The following DSE variants were observed in gnomAD, a reference collection of about 807,000 sequenced individuals.
DSE encodes the protein dermatan sulfate epimerase.
Under a neutral mutation model 84.4 loss-of-function variants are expected in DSE, and 36 were observed. That is an observed-to-expected ratio of 0.43 (90% CI 0.33 to 0.56). The LOEUF (loss-of-function observed/expected upper bound fraction) is 0.56, where lower values mean the gene tolerates loss of function less well. DSE is among the 20% of genes least tolerant of loss of function. The probability of loss-of-function intolerance (pLI) is 0.06; values close to 1 mark genes in which losing one functional copy is unlikely to be tolerated. For synonymous variants in DSE, 410 were observed against 430.1 expected, an observed-to-expected ratio of 0.95 and a Z score of 0.58; for missense variants, 862 against 1,169.6, an observed-to-expected ratio of 0.74 and a Z score of 3.84.
At chr6:116,349,372 C>T (rs553430780) in intron 2 of DSE, among the ~76,000 whole-genome samples, 1 of 152,268 alleles carries the variant, frequency 6.6e-6, no homozygotes, top group Admixed American at 6.5e-5. Flanking sequence ...TAGGGGAGCT[C>T]ACTCAGAGTT....
Position 116,431,135 on chromosome 6 carries a change from C to T in DSE, c.852C>T (p.His284=), listed in dbSNP as rs755833234. The T allele has an allele frequency of 1.2e-6, 2 of 1,614,206 alleles. No individual in the cohort carries two copies. The highest frequency in any genetic ancestry group is 3.3e-5 in the Admixed American group (2 of 60,024). Residue 284 remains histidine (H), a synonymous_variant, in exon 4 of 6, where the codon CAC becomes CAT. Coordinates refer to ENST00000644252, the MANE Select transcript of DSE (RefSeq NM_013352.4). The stretch of plus-strand genomic sequence containing the variant: ...TCCAGAGGCACTTCAACATCAACCA[C>T]TTTGGCCATCCGTGGCTTAAACAAC... ...FLVQRHFNIN[H]FGHPWLKQHF... is the part of the protein sequence containing the mutation.
intron 2 of DSE, among the ~76,000 whole-genome samples, chr6:116,363,206 A>G (rs997766439): frequency 6.6e-6 from 1 of 152,064 alleles, no homozygotes; most frequent in Non-Finnish European, 1.5e-5. Flanking sequence ...TGCCACGTTT[A>G]ATGACTGATC....
intron 2 of DSE, among the ~76,000 whole-genome samples, chr6:116,290,236 A>G (rs1386846035): frequency 6.6e-6 from 1 of 152,070 alleles, no homozygotes; most frequent in Admixed American, 6.6e-5. Flanking sequence ...GGTTACTGCC[A>G]CCTATTTTCT....
intron 2 of DSE, among the ~76,000 whole-genome samples, chr6:116,357,252 G>A (rs1474920971): frequency 2.6e-5 from 4 of 152,168 alleles, no homozygotes; most frequent in East Asian, 3.9e-4. Context: ...CAAGTTATCA[G>A]CCGGGCACGG....
chr6:116,397,352 A>AT (rs1781320933), intron 1 of DSE, among the ~76,000 whole-genome samples: 2 of 150,592 alleles, frequency 1.3e-5, no homozygotes, highest in African/African-American at 4.9e-5. Context: ...GAATACAGGC[A>AT]CCCCCCACCA....
chr6:116,315,796 T>C (rs1279207901), intron 2 of DSE, among the ~76,000 whole-genome samples: 6 of 152,156 alleles, frequency 3.9e-5, no homozygotes, highest in Non-Finnish European at 7.4e-5. Flanking sequence ...GGTCAGGAGT[T>C]CGAGACCAGC....
chr6:116,335,432 T>C (rs1777184153), intron 2 of DSE, among the ~76,000 whole-genome samples: 1 of 152,148 alleles, frequency 6.6e-6, no homozygotes. Context: ...AGTACTAGGC[T>C]TAATACCTGG....
intron 1 of DSE, chr6:116,254,316 G>A: frequency 1.7e-6 from 1 of 602,956 alleles, no homozygotes; most frequent in Non-Finnish European, 3.1e-6. Context: ...TGTTAATGTG[G>A]ATTTCTAAGC....
chr6:116,355,987 G>T (rs1227173913), intron 2 of DSE, among the ~76,000 whole-genome samples: 1 of 152,150 alleles, frequency 6.6e-6, no homozygotes. Context: ...TAACTATCTG[G>T]AGGATCCCTG....
intron 2 of DSE, among the ~76,000 whole-genome samples, chr6:116,316,841 T>TTAG (rs1776012567): frequency 6.6e-6 from 1 of 150,626 alleles, no homozygotes; most frequent in South Asian, 2.1e-4. Flanking sequence ...ATTATTATTA[T>TTAG]TATTATTATT....
At chr6:116,269,882 A>G (rs1156503264) in intron 2 of DSE, among the ~76,000 whole-genome samples, 2 of 152,156 alleles carry the variant, frequency 1.3e-5, no homozygotes, top group Non-Finnish European at 2.9e-5. Flanking sequence ...ATAATAGACT[A>G]ACACATTCAG....
chr6:116,345,400 G>C (rs924423697), intron 2 of DSE, among the ~76,000 whole-genome samples: 3 of 152,104 alleles, frequency 2.0e-5, no homozygotes, highest in Non-Finnish European at 4.4e-5. Context: ...TAAAAGAACG[G>C]AAATTATAAC....
At chr6:116,338,492 G>A (rs907044851) in intron 2 of DSE, among the ~76,000 whole-genome samples, 1 of 152,042 alleles carries the variant, frequency 6.6e-6, no homozygotes, top group Non-Finnish European at 1.5e-5. Flanking sequence ...CCAAAGTGCT[G>A]GGATTACAGG....
intron 2 of DSE, among the ~76,000 whole-genome samples, chr6:116,350,609 A>G (rs1308488575): frequency 1.3e-5 from 2 of 152,194 alleles, no homozygotes; most frequent in Admixed American, 1.3e-4. Context: ...CTTTGAGGGA[A>G]CAAAAAACCC....
chr6:116,415,406 A>C (rs951215554), intron 2 of DSE, among the ~76,000 whole-genome samples: 2 of 152,104 alleles, frequency 1.3e-5, no homozygotes, highest in Non-Finnish European at 2.9e-5. Context: ...TTACGGGATG[A>C]TGTATCTTGT....
intron 2 of DSE, chr6:116,279,248 G>A (rs776005402): frequency 1.2e-6 from 2 of 1,608,614 alleles, no homozygotes; most frequent in Non-Finnish European, 1.7e-6. Flanking sequence ...TCTGGCGGCT[G>A]CTCCTCTACC....
intron 2 of DSE, among the ~76,000 whole-genome samples, chr6:116,289,628 T>C (rs546946470): frequency 1.3e-5 from 2 of 151,806 alleles, no homozygotes; most frequent in South Asian, 4.2e-4. Context: ...ACCTTCATGA[T>C]AAAAAAAATA....
At chr6:116,382,615 A>C (rs1447624576) in intron 1 of DSE, among the ~76,000 whole-genome samples, 1 of 152,234 alleles carries the variant, frequency 6.6e-6, no homozygotes, top group Non-Finnish European at 1.5e-5. Context: ...GTCTTCTCTA[A>C]ATTTGGGTGA....
chr6:116,402,745 C>A (rs1781674101), intron 2 of DSE, among the ~76,000 whole-genome samples: 1 of 152,092 alleles, frequency 6.6e-6, no homozygotes. Flanking sequence ...TCCATTAAAA[C>A]GTTCATTGAT....
Sources: gnomAD v4.1 joint callset for allele counts (sites outside exome capture counted in the v4.1 genomes callset) on GRCh38, gnomAD v4.1.1 for gene constraint, MANE v1.5 for transcripts, NCBI Gene and HGNC (gene_info 2026-07-23, HGNC 2026-07-21) for gene names.